The following WDR27 variants were observed in gnomAD, a reference collection of about 807,000 sequenced individuals.
WDR27 encodes the protein WD repeat-containing protein 27.
A neutral mutation model predicts 114.4 loss-of-function variants in WDR27; 100 were observed. That is an observed-to-expected ratio of 0.87 (90% CI 0.74 to 1.03). The LOEUF (loss-of-function observed/expected upper bound fraction) is 1.03. Ranked by LOEUF, WDR27 falls within the 50% of genes least tolerant of loss-of-function variation. The pLI, the probability that WDR27 is intolerant of heterozygous loss-of-function variation, is 0.00. For missense variants in WDR27, 1,129 were observed against 1,092.9 expected (o/e 1.03, Z -0.47); for synonymous variants, 449 against 423.1 (o/e 1.06, Z -0.75).
intron 19 of WDR27, 135 bp downstream of exon 19, chr6:169,636,236 T>C (rs1044317794): frequency 9.6e-7 from 1 of 1,039,420 alleles, no homozygotes; most frequent in African/African-American, 1.6e-5. Flanking sequence ...TAATTCCCTC[T>C]CATCAAGAGT....
chr6:169,492,340 A>T (rs1050331631), intron 25 of WDR27, among the ~76,000 whole-genome samples: 1 of 152,126 alleles, frequency 6.6e-6, no homozygotes, highest in Non-Finnish European at 1.5e-5. Flanking sequence ...AAATTTGCTT[A>T]AAAATATAAA....
the WDR27 span, among the ~76,000 whole-genome samples, chr6:169,434,286 A>G: frequency 6.0e-4 from 91 of 152,268 alleles, no homozygotes; most frequent in African/African-American, 1.8e-3. Flanking sequence ...GAAGGGGTTC[A>G]GTTTCTGTTT....
intron 22 of WDR27, among the ~76,000 whole-genome samples, chr6:169,612,892 C>T (rs1024283823): frequency 2.0e-5 from 3 of 152,290 alleles, no homozygotes; most frequent in Non-Finnish European, 2.9e-5. Context: ...ATTCTCATCA[C>T]TAATTTGAAA....
At chr6:169,602,441 T>C in intron 22 of WDR27, 120 bp from the exon 23 acceptor site, 1 of 635,374 alleles carries the variant, frequency 1.6e-6, no homozygotes, top group Non-Finnish European at 2.8e-6. Context: ...AATGAAAGAA[T>C]ATTTTATATG....
chr6:169,624,318 G>A (rs528989927), intron 21 of WDR27, among the ~76,000 whole-genome samples: 97 of 152,282 alleles, frequency 6.4e-4, no homozygotes, highest in African/African-American at 2.1e-3. Context: ...GGTGTGCGGC[G>A]TGTGGCATCA....
intron 25 of WDR27, among the ~76,000 whole-genome samples, chr6:169,537,810 G>A (rs546594174): frequency 2.6e-5 from 4 of 152,260 alleles, no homozygotes; most frequent in East Asian, 1.9e-4. Flanking sequence ...GTTAAGAGAC[G>A]GTGGTCTGGA....
intron 25 of WDR27, among the ~76,000 whole-genome samples, chr6:169,524,648 T>C (rs542169908): frequency 1.2e-4 from 18 of 152,334 alleles, no homozygotes; most frequent in African/African-American, 4.3e-4. Context: ...CCAACTCATT[T>C]TTGACAAAGG....
chr6:169,562,046 A>G (rs558464082), intron 25 of WDR27, among the ~76,000 whole-genome samples: 117 of 152,368 alleles, frequency 7.7e-4, no homozygotes, highest in African/African-American at 2.6e-3. Flanking sequence ...TAGCTTTGAA[A>G]TAAACAAAAC....
At chr6:169,495,948 C>T (rs904850560) in intron 25 of WDR27, among the ~76,000 whole-genome samples, 1 of 151,872 alleles carries the variant, frequency 6.6e-6, no homozygotes, top group Non-Finnish European at 1.5e-5. Context: ...GATATCAAAA[C>T]CAAAGATTCC....
intron 25 of WDR27, among the ~76,000 whole-genome samples, chr6:169,502,347 G>C (rs951952927): frequency 2.0e-5 from 3 of 152,200 alleles, no homozygotes; most frequent in African/African-American, 4.8e-5. Context: ...GTGGCGTTCC[G>C]TACACGGACG....
intron 25 of WDR27, among the ~76,000 whole-genome samples, chr6:169,520,194 T>A (rs1308409806): frequency 1.3e-5 from 2 of 152,074 alleles, no homozygotes; most frequent in Non-Finnish European, 1.5e-5. Flanking sequence ...TTTATTCCAT[T>A]ACTCCCCAGG....
chr6:169,549,805 T>C (rs758410970), intron 25 of WDR27, among the ~76,000 whole-genome samples: 81 of 152,144 alleles, frequency 5.3e-4, no homozygotes, highest in Non-Finnish European at 1.1e-3. Flanking sequence ...TCCAACTCTA[T>C]GATCTCCTGG....
At chr6:169,467,598 C>T (rs973552997) in intron 25 of WDR27, among the ~76,000 whole-genome samples, 10 of 152,182 alleles carry the variant, frequency 6.6e-5, no homozygotes, top group South Asian at 2.1e-4. Context: ...CTTTTAGCCA[C>T]GGCTGTGATG....
intron 25 of WDR27, among the ~76,000 whole-genome samples, chr6:169,513,440 G>T (rs1003843792): frequency 6.6e-6 from 1 of 152,044 alleles, no homozygotes; most frequent in Non-Finnish European, 1.5e-5. Flanking sequence ...TGAAGGATTT[G>T]CAGCCATGTT....
intron 25 of WDR27, among the ~76,000 whole-genome samples, chr6:169,544,516 G>A (rs375812224): frequency 1.3e-5 from 2 of 150,310 alleles, no homozygotes; most frequent in African/African-American, 4.9e-5. Flanking sequence ...TTGGCTCACT[G>A]CAACCTCCAC....
At chr6:169,481,629 C>A (rs949618259) in intron 25 of WDR27, among the ~76,000 whole-genome samples, 2 of 152,140 alleles carry the variant, frequency 1.3e-5, no homozygotes, top group African/African-American at 4.8e-5. Context: ...CAACTCCAGA[C>A]GCACTGCCTT....
chr6:169,681,963 C>A (rs868295878), intron 2 of WDR27, among the ~76,000 whole-genome samples: 31 of 152,264 alleles, frequency 2.0e-4, no homozygotes, highest in African/African-American at 7.0e-4. Context: ...CATAAGGGGG[C>A]CCAGTCCCAG....
At chr6:169,696,784 C>T (rs766881826) in intron 1 of WDR27, among the ~76,000 whole-genome samples, 27 of 152,142 alleles carry the variant, frequency 1.8e-4, no homozygotes, top group Admixed American at 4.6e-4. Context: ...CATGGTGGCA[C>T]GTGCCTGTAG....
At chr6:169,438,398 C>T in the WDR27 span, among the ~76,000 whole-genome samples, 47 of 151,936 alleles carry the variant, frequency 3.1e-4, no homozygotes, top group Non-Finnish European at 5.9e-4. Flanking sequence ...CCACCACACC[C>T]GGCTAATTTT....
Sources: allele counts gnomAD v4.1 joint callset (sites outside exome capture counted in the v4.1 genomes callset), GRCh38; gene constraint gnomAD v4.1.1; transcripts MANE v1.5; gene names NCBI Gene and HGNC (gene_info 2026-07-23, HGNC 2026-07-21).